The following PHLDB2 variants were observed in gnomAD, a reference collection of about 807,000 sequenced individuals.
The protein encoded by PHLDB2 is pleckstrin homology like domain family B member 2.
Under a neutral mutation model 123.6 loss-of-function variants are expected in PHLDB2, and 71 were observed. That is an observed-to-expected ratio of 0.57 (90% confidence interval 0.47 to 0.70). The LOEUF (loss-of-function observed/expected upper bound fraction) is 0.70. Among genes scored for constraint, PHLDB2 ranks in the 30% least tolerant of loss-of-function variants. PHLDB2 has a pLI of 0.00. For missense variants in PHLDB2, 1,446 were observed against 1,519.5 expected (o/e 0.95, Z 0.80); for synonymous variants, 547 against 541.6 (o/e 1.01, Z -0.14).
chr3:111,745,604 T>G lies in PHLDB2; in HGVS notation c.-49+12901T>G, dbSNP rs1263613032. The stretch of plus-strand genomic sequence containing the variant: ...GCAAGACACCGTCTCTACAAAAAAT[T>G]TTTTAAAAAATTAGCTGGGCATGGT... On this transcript the variant is annotated intron_variant, in intron 1 of 17. Transcript: ENST00000393923. Among the ~76,000 whole-genome samples, 3 of 151,916 alleles carry G rather than the reference T, an allele frequency of 2.0e-5. No homozygotes were observed. In the East Asian group the frequency reaches 5.8e-4, roughly 29 times the overall value.
chr3:111,846,775 T>A (rs529290512), intron 2 of PHLDB2, among the ~76,000 whole-genome samples: 2 of 152,172 alleles, frequency 1.3e-5, no homozygotes, highest in Non-Finnish European at 2.9e-5. Context: ...TAAGCAATTG[T>A]CTTACTCAGT....
chr3:111,831,197 T>C (rs949821321), intron 1 of PHLDB2, among the ~76,000 whole-genome samples: 3 of 152,266 alleles, frequency 2.0e-5, no homozygotes, highest in Admixed American at 1.3e-4. Flanking sequence ...ATAAATATTT[T>C]AGGGACTTCT....
chr3:111,966,464 A>G, intron 13 of PHLDB2, 149 bp from the exon 14 acceptor site: 1 of 455,922 alleles, frequency 2.2e-6, no homozygotes, highest in East Asian at 3.6e-5. Flanking sequence ...TTTAAATTAT[A>G]TATGCTTGGA....
At chr3:111,829,897 T>G (rs1207358288) in intron 1 of PHLDB2, among the ~76,000 whole-genome samples, 1 of 151,186 alleles carries the variant, frequency 6.6e-6, no homozygotes, top group Admixed American at 6.6e-5. Flanking sequence ...CCTTACATTT[T>G]CTTATCACCA....
At chr3:111,738,880 C>T in intron 1 of PHLDB2, among the ~76,000 whole-genome samples, 1 of 152,116 alleles carries the variant, frequency 6.6e-6, no homozygotes, top group East Asian at 1.9e-4. Flanking sequence ...CAAGGGTCTA[C>T]TTGCTCTTCT....
intron 1 of PHLDB2, among the ~76,000 whole-genome samples, chr3:111,773,424 C>T (rs2060212199): frequency 6.6e-6 from 1 of 152,098 alleles, no homozygotes; most frequent in African/African-American, 2.4e-5. Flanking sequence ...CCCTTAAAGA[C>T]TAATAAAATC....
intron 1 of PHLDB2, chr3:111,732,809 G>C: frequency 1.1e-6 from 1 of 886,268 alleles, no homozygotes; most frequent in Non-Finnish European, 1.7e-6. Flanking sequence ...CTGGAGATAT[G>C]GTAGACCCGG....
intron 1 of PHLDB2, among the ~76,000 whole-genome samples, chr3:111,830,580 C>A (rs1239567385): frequency 2.7e-5 from 4 of 147,438 alleles, no homozygotes; most frequent in Non-Finnish European, 5.9e-5. Flanking sequence ...GAGGCCGAGG[C>A]GGGCGGATCA....
intron 10 of PHLDB2, among the ~76,000 whole-genome samples, chr3:111,951,282 C>CT (rs2070702056): frequency 1.3e-5 from 2 of 152,122 alleles, no homozygotes; most frequent in African/African-American, 4.8e-5. Flanking sequence ...CTCTCTGCCC[C>CT]CTAGATTTCT....
intron 3 of PHLDB2, chr3:111,915,124 G>A (rs1255756801): frequency 6.6e-6 from 1 of 152,142 alleles, no homozygotes; most frequent in Non-Finnish European, 1.5e-5. Context: ...TAGGATTAAT[G>A]TATTGATTTG....
intron 5 of PHLDB2, among the ~76,000 whole-genome samples, chr3:111,926,124 AAC>A (rs1203243649): frequency 6.6e-6 from 1 of 152,242 alleles, no homozygotes; most frequent in Non-Finnish European, 1.5e-5. Context: ...AAACACATGA[AAC>A]ACACTTAAAG....
In PHLDB2 at chr3:111,834,623, C is replaced by T. The variant is rs550367206; in HGVS notation, c.-48-11198C>T. Among the ~76,000 whole-genome samples the T allele has an allele frequency of 1.3e-4, 19 of 151,694 alleles. No individual in the cohort carries two copies. The East Asian group carries it at 3.7e-3, about 29-fold the overall frequency. On this transcript the variant is annotated intron_variant, in intron 1 of 17. Coordinates refer to the PHLDB2 transcript ENST00000393923. ...GACATATAACTTTAAGTACTCTTGC[C>T]CTCATTTCTTTATAAGACAAATTTT...
intron 1 of PHLDB2, among the ~76,000 whole-genome samples, chr3:111,819,255 T>TG (rs2062250748): frequency 1.3e-5 from 2 of 150,280 alleles, no homozygotes; most frequent in Admixed American, 1.3e-4. Flanking sequence ...ATAAATGGGG[T>TG]GGGGGGTGGC....
rs569905726 is a variant in PHLDB2, at chr3:111,817,232, C to T, written c.-48-28589C>T. 9.5e-4 allele frequency among the ~76,000 whole-genome samples: 145 copies of T among 152,278 alleles called. 1 individual carries two copies. Among genetic ancestry groups the T allele is most frequent in the African/African-American group, 3.1e-3 (130 of 41,546 alleles). On this transcript the variant is annotated intron_variant, in intron 1 of 17. Transcript: ENST00000393923. ...AGGGATCCACCCACTAGCCAAACAC[C>T]TCTCACTATGCCCCACCTCCCAATA...
chr3:111,770,435 G>T (rs1453759716), intron 1 of PHLDB2, among the ~76,000 whole-genome samples: 3 of 152,146 alleles, frequency 2.0e-5, no homozygotes, highest in East Asian at 1.9e-4. Flanking sequence ...TAATGCAAAT[G>T]TTAAGTGGGC....
chr3:111,824,654 C>A (rs1055595193), intron 1 of PHLDB2, among the ~76,000 whole-genome samples: 8 of 152,158 alleles, frequency 5.3e-5, no homozygotes, highest in Non-Finnish European at 1.0e-4. Context: ...CAGAATGAAG[C>A]CTGTGTTCAG....
Position 111,966,171 on chromosome 3 carries a change from A to G in PHLDB2, c.3078-442A>G, listed in dbSNP as rs28489007. On this transcript the variant is annotated intron_variant, in intron 13 of 17. Coordinates refer to ENST00000431670, the MANE Select transcript of PHLDB2 (RefSeq NM_001134438.2). ...AAAGTGACTCCAAACATTAGGTGTC[A>G]TTTATATAGAACGTTGGTGATAGTC... Among the ~76,000 whole-genome samples the G allele has an allele frequency of 9.0e-3, 1,364 of 152,328 alleles. 19 individuals carry two copies. The highest frequency in any genetic ancestry group is 0.031 in the African/African-American group (1,299 of 41,574).
intron 1 of PHLDB2, among the ~76,000 whole-genome samples, chr3:111,756,691 A>T (rs1028646790): frequency 1.3e-5 from 2 of 152,122 alleles, no homozygotes; most frequent in African/African-American, 4.8e-5. Context: ...TCCTGTCATT[A>T]TGATGTTAGC....
chr3:111,765,258 A>T (rs2060060252), intron 1 of PHLDB2, among the ~76,000 whole-genome samples: 1 of 152,226 alleles, frequency 6.6e-6, no homozygotes, highest in Non-Finnish European at 1.5e-5. Flanking sequence ...ATCAGCACTG[A>T]AGGGTGGTGA....
Sources: gnomAD v4.1 joint callset for allele counts (sites outside exome capture counted in the v4.1 genomes callset) on GRCh38, gnomAD v4.1.1 for gene constraint, MANE v1.5 for transcripts, NCBI Gene and HGNC (gene_info 2026-07-23, HGNC 2026-07-21) for gene names.